The following CPVL variants were observed in gnomAD, a reference collection of about 807,000 sequenced individuals.
CPVL encodes carboxypeptidase vitellogenic like.
In CPVL, 51 loss-of-function variants were observed where a neutral mutation model predicts 63.7. The observed-to-expected ratio is 0.80, with a 90% CI of 0.64 to 1.01. The LOEUF (loss-of-function observed/expected upper bound fraction) is 1.01, where lower values mean the gene tolerates loss of function less well. CPVL is among the 50% of genes least tolerant of loss of function. The probability of loss-of-function intolerance (pLI) is 0.00; values close to 1 mark genes in which losing one functional copy is unlikely to be tolerated. For missense variants in CPVL, 530 were observed against 573.1 expected (o/e 0.92, Z 0.77); for synonymous variants, 195 against 206.0 (o/e 0.95, Z 0.46).
At chr7:29,095,050 G>A (rs753534589) in intron 5 of CPVL, 34 bp downstream of exon 5, 8 of 1,536,430 alleles carry the variant, frequency 5.2e-6, no homozygotes, top group Non-Finnish European at 7.2e-6. Context: ...GGAGACGCCA[G>A]CACTGACAGC....
chr7:29,077,189 G>A (rs1231188146), intron 7 of CPVL, among the ~76,000 whole-genome samples: 1 of 152,110 alleles, frequency 6.6e-6, no homozygotes, highest in Non-Finnish European at 1.5e-5. Flanking sequence ...AATAGTGTCA[G>A]AGAATAATAT....
Position 28,995,814 on chromosome 7 carries a change from A to G in CPVL, c.1389T>C (p.Asn463=), listed in dbSNP as rs1473244214. The G allele has an allele frequency of 1.9e-6, 3 of 1,608,400 alleles. No individual in the cohort carries two copies. Among genetic ancestry groups the G allele is most frequent in the African/African-American group, 1.3e-5 (1 of 74,650 alleles). The change falls in exon 13 of 13, where the codon AAT becomes AAC. Residue 463 remains asparagine, a synonymous_variant. Transcript: ENST00000265394. ...DQPLRAFDMI[N]RFIYGKGWDP... ...CCCATCCTTTTCCATAAATGAATCG[A>G]TTAATCATGTCAAAAGCTCTCAGAG...
intron 12 of CPVL, among the ~76,000 whole-genome samples, chr7:29,008,288 C>A (rs1785415262): frequency 6.6e-6 from 1 of 152,090 alleles, no homozygotes; most frequent in Non-Finnish European, 1.5e-5. Flanking sequence ...TTTCATTAAT[C>A]CAGGTAGAGT....
rs1267144382 is a variant in CPVL at position 28,995,822 on chromosome 7, T to C, written c.1381A>G (p.Met461Val). The C allele has an allele frequency of 6.8e-6, 11 of 1,608,010 alleles. No individual in the cohort carries two copies. Among genetic ancestry groups the C allele is most frequent in the Admixed American group, 1.7e-5 (1 of 58,386 alleles). Residue 461 changes from methionine to valine, a missense_variant, in exon 13 of 13, where the codon ATG (methionine) becomes GTG (valine). By Grantham distance (21) the Met-to-Val change is conservative. Transcript: ENST00000265394. Reference sequence around the variant, plus strand: ...TTTCCATAAATGAATCGATTAATCATGTCAAAAGCTCTCAGAGGCTGGTCA... The same window carrying C: ...TTTCCATAAATGAATCGATTAATCACGTCAAAAGCTCTCAGAGGCTGGTCA... ...PYDQPLRAFD[M>V]INRFIYGKGW... is the part of the protein sequence containing the mutation.
In CPVL at chr7:29,054,736, G is replaced by T. The variant is rs944045894; in HGVS notation, c.1137+9325C>A. On this transcript the variant is annotated intron_variant, in intron 11 of 12. Transcript: ENST00000265394. ...CATTCTTTCTGTTCTTACCCTCTCT[G>T]ACTCTGCTTAGACATATAGTATTCT... Among the ~76,000 whole-genome samples, 7 of 151,966 alleles carry T rather than the reference G, an allele frequency of 4.6e-5. No individual in the cohort carries two copies. In the East Asian group the frequency reaches 1.2e-3, roughly 25 times the overall value.
chr7:29,133,053 A>AT (rs139970006), intron 1 of CPVL, among the ~76,000 whole-genome samples: 2,862 of 152,286 alleles, frequency 0.019, 99 homozygotes, highest in African/African-American at 0.065. Context: ...CACTGCATGC[A>AT]TTCCCTCATT....
At chr7:29,008,984 C>T (rs1162101540) in intron 12 of CPVL, 1 of 151,854 alleles carries the variant, frequency 6.6e-6, no homozygotes, top group East Asian at 1.9e-4. Context: ...CTTACTGAGC[C>T]ACTGTTGGCA....
intron 12 of CPVL, among the ~76,000 whole-genome samples, chr7:29,023,453 C>T (rs1355125476): frequency 6.6e-6 from 1 of 152,160 alleles, no homozygotes; most frequent in Non-Finnish European, 1.5e-5. Context: ...GATTCAATTA[C>T]CTCCCACCGG....
chr7:29,171,997 T>C (rs1796666273), intron 5 of CPVL, among the ~76,000 whole-genome samples: 1 of 152,100 alleles, frequency 6.6e-6, no homozygotes, highest in African/African-American at 2.4e-5. Context: ...CAGGGTGCAG[T>C]GGGTGGTACA....
At chr7:29,029,809 C>T (rs1291288095) in intron 12 of CPVL, among the ~76,000 whole-genome samples, 1 of 151,866 alleles carries the variant, frequency 6.6e-6, no homozygotes, top group African/African-American at 2.4e-5. Flanking sequence ...TGAAATGTTC[C>T]CAATATAATG....
intron 1 of CPVL, among the ~76,000 whole-genome samples, chr7:29,145,499 G>A (rs973592776): frequency 6.9e-6 from 1 of 144,880 alleles, no homozygotes; most frequent in Non-Finnish European, 1.6e-5. Flanking sequence ...GGGGGGCTCA[G>A]AGGTGACTGC....
chr7:29,025,954 C>T (rs1227443097), intron 12 of CPVL, among the ~76,000 whole-genome samples: 1 of 152,148 alleles, frequency 6.6e-6, no homozygotes, highest in Non-Finnish European at 1.5e-5. Context: ...TTAAACTGCA[C>T]TTTAGACAAA....
rs781017741 is a variant in CPVL at position 29,096,225 on chromosome 7, A to T, written c.289-8T>A. 2 of 1,602,214 alleles carry T rather than the reference A, an allele frequency of 1.2e-6. No homozygotes were observed. The highest frequency in any genetic ancestry group is 2.7e-5 in the African/African-American group (2 of 74,652). ...GGCATCTTCTGGCTGTATCTAGAGG[A>T]AACAGTAAAACCAGTGACCACACAG... On this transcript the variant is annotated splice_region_variant and splice_polypyrimidine_tract_variant and intron_variant, in intron 3 of 12. Coordinates refer to ENST00000265394, the MANE Select transcript of CPVL (RefSeq NM_031311.5).
intron 12 of CPVL, among the ~76,000 whole-genome samples, chr7:29,021,167 A>G (rs1786933102): frequency 6.6e-6 from 1 of 152,150 alleles, no homozygotes; most frequent in Admixed American, 6.5e-5. Flanking sequence ...CTCAAGAAAA[A>G]AAAAAAGATG....
At chr7:29,193,509 A>C (rs931768967) in intron 1 of CPVL, 6 of 152,100 alleles carry the variant, frequency 3.9e-5, no homozygotes, top group Non-Finnish European at 7.4e-5. Context: ...TCATTCCTTT[A>C]ATGTTTGCTT....
chr7:29,156,224 C>T (rs937972646), intron 5 of CPVL, among the ~76,000 whole-genome samples: 1 of 152,228 alleles, frequency 6.6e-6, no homozygotes, highest in Non-Finnish European at 1.5e-5. Flanking sequence ...AGAAGTTCTT[C>T]TGTGGCCTGT....
chr7:29,096,180 T>C lies in CPVL; in HGVS notation c.326A>G (p.Gln109Arg), dbSNP rs2128610768. 1 of 1,614,178 alleles carries C rather than the reference T, an allele frequency of 6.2e-7. No homozygotes were observed. The highest frequency in any genetic ancestry group is 8.5e-7 in the Non-Finnish European group (1 of 1,180,006). The part of the protein sequence containing the change: ...PEDAPVVLWL[Q>R]GGPGGSSMFG... ...CATGGATGAACCTCCCGGCCCACCC[T>C]GTAGCCAGAGAACTACTGGGGCATC... Residue 109 changes from glutamine (Q) to arginine (R), a missense_variant, in exon 4 of 13, where the codon CAG (glutamine) becomes CGG (arginine). Transcript: ENST00000265394.
At chr7:29,145,470 C>T (rs1324658717) in intron 1 of CPVL, among the ~76,000 whole-genome samples, 2 of 151,792 alleles carry the variant, frequency 1.3e-5, no homozygotes, top group Non-Finnish European at 2.9e-5. Context: ...TTGGGACCCA[C>T]TGGGGTTGCA....
chr7:29,074,045 C>A (rs1784001066), intron 7 of CPVL, among the ~76,000 whole-genome samples: 1 of 152,148 alleles, frequency 6.6e-6, no homozygotes, highest in Admixed American at 6.5e-5. Context: ...TTATCCACAC[C>A]ATAATCATAT....
Sources: gnomAD v4.1 joint callset for allele counts (sites outside exome capture counted in the v4.1 genomes callset) on GRCh38, gnomAD v4.1.1 for gene constraint, MANE v1.5 for transcripts, NCBI Gene and HGNC (gene_info 2026-07-23, HGNC 2026-07-21) for gene names.